The following ITGB8 variants were observed in gnomAD, a reference collection of about 807,000 sequenced individuals.
ITGB8 encodes the protein integrin subunit beta 8.
Under a neutral mutation model 89.5 loss-of-function variants are expected in ITGB8, and 30 were observed. The ratio of observed to expected loss-of-function variants is 0.34; its 90% CI spans 0.25 to 0.45. ITGB8 has a LOEUF of 0.45. ITGB8 is among the 20% of genes least tolerant of loss of function. The pLI, the probability that ITGB8 is intolerant of heterozygous loss-of-function variation, is 1.00. For missense variants in ITGB8, 836 were observed against 933.3 expected, an observed-to-expected ratio of 0.90 and a Z score of 1.36; for synonymous variants, 335 against 320.4, an observed-to-expected ratio of 1.05 and a Z score of -0.49.
intron 8 of ITGB8, among the ~76,000 whole-genome samples, chr7:20,395,779 A>T (rs1787049461): frequency 6.6e-6 from 1 of 152,190 alleles, no homozygotes; most frequent in South Asian, 2.1e-4. Flanking sequence ...AGAAACCAAG[A>T]CTCAGGAAAG....
intron 4 of ITGB8, 27 bp from the exon 5 acceptor site, chr7:20,380,639 C>G (rs770736854): frequency 5.0e-6 from 8 of 1,594,588 alleles, no homozygotes; most frequent in South Asian, 4.4e-5. Context: ...GCAAAATAAA[C>G]TTTACACTTC....
rs1167401303 is a variant in ITGB8 at position 20,404,659 on chromosome 7, A to G, written c.1719A>G (p.Gln573=). ...GAGAGTGTGAAGCAGGCAGATGCCA[A>G]TGCTTCAGTGGCTGGGAAGGTGATC... is the stretch of plus-strand genomic sequence containing the variant. ...GHGECEAGRC[Q]CFSGWEGDRC... is the part of the protein sequence containing the mutation. Residue 573 remains glutamine, a synonymous_variant, in exon 11 of 14, where the codon CAA becomes CAG. Coordinates refer to ENST00000222573, the MANE Select transcript of ITGB8 (RefSeq NM_002214.3). 5 of 1,613,906 alleles carry G rather than the reference A, an allele frequency of 3.1e-6. No homozygotes were observed. The highest frequency in any genetic ancestry group is 2.7e-5 in the African/African-American group (2 of 74,924).
At chr7:20,377,884 G>A (rs377574191) in intron 3 of ITGB8, among the ~76,000 whole-genome samples, 1 of 152,012 alleles carries the variant, frequency 6.6e-6, no homozygotes, top group Admixed American at 6.6e-5. Flanking sequence ...TGAAATAATC[G>A]AAAAGAAAAT....
intron 7 of ITGB8, among the ~76,000 whole-genome samples, chr7:20,392,261 T>C (rs1413092919): frequency 1.3e-5 from 2 of 152,234 alleles, no homozygotes; most frequent in Non-Finnish European, 2.9e-5. Context: ...TTGGTCTCCC[T>C]CATCTCCTTT....
chr7:20,379,084 C>CAAATTT lies in ITGB8; in HGVS notation c.422_423insAAATTT (p.Pro141_Leu142insAsnPhe), dbSNP rs1786269889. 1 of 1,593,538 alleles carries CAAATTT rather than the reference C, an allele frequency of 6.3e-7. No individual in the cohort carries two copies. Among genetic ancestry groups the CAAATTT allele is most frequent in the Admixed American group, 1.7e-5 (1 of 57,606 alleles). On this transcript the variant is annotated inframe_insertion, in exon 4 of 14. Transcript: ENST00000222573. ...GCTAATTTTATGCTGAAAGTTCATC[C>CAAATTT]TCTGAAGAAATATCCTGTGGATCTT...
chr7:20,367,001 C>T lies in ITGB8; in HGVS notation c.214-11C>T, dbSNP rs1418141378. 1.9e-6 allele frequency: 3 copies of T among 1,594,476 alleles called. No individual in the cohort carries two copies. Among genetic ancestry groups the T allele is most frequent in the South Asian group, 2.3e-5 (2 of 87,640 alleles). On this transcript the variant is annotated splice_polypyrimidine_tract_variant and intron_variant, in intron 2 of 13. Transcript: ENST00000222573. ...ACTAAAAACATCAGTGATTTTCTTTCTTTTAAACAGGATTTCATTTCAGGT... is the reference window on the plus strand; with the variant it reads ...ACTAAAAACATCAGTGATTTTCTTTTTTTTAAACAGGATTTCATTTCAGGT...
chr7:20,365,498 G>T (rs542722479), intron 2 of ITGB8: 1 of 152,218 alleles, frequency 6.6e-6, no homozygotes, highest in Non-Finnish European at 1.5e-5. Context: ...CTCTAAAATG[G>T]AAATACAAAT....
At chr7:20,335,040 A>G (rs1294574768) in intron 1 of ITGB8, among the ~76,000 whole-genome samples, 1 of 152,098 alleles carries the variant, frequency 6.6e-6, no homozygotes. Flanking sequence ...TTAACCATCA[A>G]CTCAAAGCCA....
chr7:20,389,492 T>C (rs1027628727), intron 6 of ITGB8, among the ~76,000 whole-genome samples: 46 of 152,336 alleles, frequency 3.0e-4, no homozygotes, highest in African/African-American at 9.9e-4. Flanking sequence ...TTAAGAAGTC[T>C]TCAAAAGCTG....
intron 1 of ITGB8, among the ~76,000 whole-genome samples, chr7:20,344,606 G>A (rs936983218): frequency 6.6e-6 from 1 of 152,206 alleles, no homozygotes; most frequent in African/African-American, 2.4e-5. Flanking sequence ...ACAACCTGTA[G>A]GAAACAATAG....
chr7:20,367,242 CTTTAA>C (rs1410954543), intron 3 of ITGB8, 56 bp downstream of exon 3: 39 of 1,254,794 alleles, frequency 3.1e-5, no homozygotes, highest in South Asian at 2.1e-4. Flanking sequence ...TTGCAATTTA[CTTTAA>C]TTTGCTCATT....
intron 3 of ITGB8, among the ~76,000 whole-genome samples, chr7:20,374,363 T>C (rs899608282): frequency 6.6e-6 from 1 of 152,166 alleles, no homozygotes; most frequent in African/African-American, 2.4e-5. Flanking sequence ...AAACAGTTCT[T>C]ACCCTAGTGT....
At chr7:20,404,559 C>A in intron 10 of ITGB8, 69 bp from the exon 11 acceptor site, 1 of 1,313,062 alleles carries the variant, frequency 7.6e-7, no homozygotes, top group Non-Finnish European at 1.1e-6. Context: ...ATACAGGAAT[C>A]CATGGTTGAA....
chr7:20,406,401 T>C (rs1428282486), intron 12 of ITGB8, among the ~76,000 whole-genome samples: 1 of 151,918 alleles, frequency 6.6e-6, no homozygotes, highest in Admixed American at 6.6e-5. Flanking sequence ...AAATACAAAA[T>C]TGGCCAGGCG....
At chr7:20,345,397 A>AG (rs916949706) in intron 1 of ITGB8, among the ~76,000 whole-genome samples, 89 of 151,660 alleles carry the variant, frequency 5.9e-4, no homozygotes, top group African/African-American at 2.1e-3. Context: ...CAAAATAAAA[A>AG]AAAACATGGT....
At chr7:20,406,024 T>C (rs546314460) in intron 11 of ITGB8, 38 bp from the exon 12 acceptor site, 2 of 1,228,834 alleles carry the variant, frequency 1.6e-6, no homozygotes, top group African/African-American at 1.5e-5. Context: ...ACCACCTTTT[T>C]AAAGAATAAA....
At chr7:20,343,335 G>T (rs1464356346) in intron 1 of ITGB8, among the ~76,000 whole-genome samples, 1 of 152,198 alleles carries the variant, frequency 6.6e-6, no homozygotes, top group Non-Finnish European at 1.5e-5. Context: ...ATGCAATCAT[G>T]TAATAAAATG....
At chr7:20,381,097 C>G (rs1786360686) in intron 5 of ITGB8, 1 of 309,594 alleles carries the variant, frequency 3.2e-6, no homozygotes. Flanking sequence ...GGCTGCTTTT[C>G]TCATGCGCCA....
chr7:20,378,969 T>C (rs558555509), intron 3 of ITGB8, 82 bp from the exon 4 acceptor site: 2 of 1,121,942 alleles, frequency 1.8e-6, no homozygotes, highest in South Asian at 1.8e-5. Flanking sequence ...TGCTAGGTGC[T>C]AGAATGTGAC....
Sources: allele counts gnomAD v4.1 joint callset (sites outside exome capture counted in the v4.1 genomes callset), GRCh38; gene constraint gnomAD v4.1.1; transcripts MANE v1.5; gene names NCBI Gene and HGNC (gene_info 2026-07-23, HGNC 2026-07-21).